GALNT7: variants seen among roughly 807,000 people sequenced by gnomAD.
The protein encoded by GALNT7 is polypeptide N-acetylgalactosaminyltransferase 7, also known as N-acetylgalactosaminyltransferase 7.
Under a neutral mutation model 82.1 loss-of-function variants are expected in GALNT7, and 60 were observed. That is an observed-to-expected ratio of 0.73 (90% CI 0.59 to 0.91). GALNT7 has a LOEUF of 0.91. Among genes scored for constraint, GALNT7 ranks in the 40% least tolerant of loss-of-function variants. The pLI, the probability that GALNT7 is intolerant of heterozygous loss-of-function variation, is 0.00. For synonymous variants in GALNT7, 243 were observed against 275.1 expected, an observed-to-expected ratio of 0.88 and a Z score of 1.15; for missense variants, 660 against 804.2, an observed-to-expected ratio of 0.82 and a Z score of 2.17.
At chr4:173,173,907 C>G (rs1731955956) in intron 1 of GALNT7, among the ~76,000 whole-genome samples, 2 of 152,132 alleles carry the variant, frequency 1.3e-5, no homozygotes, top group Admixed American at 1.3e-4. Flanking sequence ...AACTGATTAC[C>G]CTGGCAGTCA....
chr4:173,295,974 T>C (rs1736705200), intron 5 of GALNT7, 131 bp downstream of exon 5: 4 of 660,744 alleles, frequency 6.1e-6, no homozygotes, highest in Middle Eastern at 2.9e-4. Context: ...ATCCCTCATC[T>C]ATTTGTTTCC....
intron 2 of GALNT7, among the ~76,000 whole-genome samples, chr4:173,259,288 G>A (rs951619996): frequency 1.3e-5 from 2 of 152,218 alleles, no homozygotes; most frequent in Admixed American, 1.3e-4. Flanking sequence ...GTCCTAAGAT[G>A]AAGATAGTTG....
intron 2 of GALNT7, among the ~76,000 whole-genome samples, chr4:173,277,931 A>G (rs139190355): frequency 6.6e-6 from 1 of 152,210 alleles, no homozygotes; most frequent in Non-Finnish European, 1.5e-5. Context: ...AGCACCAGCT[A>G]TTGAGGAACT....
intron 10 of GALNT7, 103 bp from the exon 11 acceptor site, chr4:173,318,328 T>G: frequency 1.2e-6 from 1 of 807,516 alleles, no homozygotes; most frequent in Non-Finnish European, 2.0e-6. Flanking sequence ...GAAAAATAAG[T>G]TAGTCATTCA....
At position 173,302,411 on chromosome 4, in the gene GALNT7, A is replaced by G. The variant is rs1441812806; in HGVS notation, c.1266+247A>G. Among the ~76,000 whole-genome samples, 1 of 152,176 alleles carries G rather than the reference A, an allele frequency of 6.6e-6. No individual in the cohort carries two copies. Among genetic ancestry groups the G allele is most frequent in the Non-Finnish European group, 1.5e-5 (1 of 68,030 alleles). The stretch of plus-strand genomic sequence containing the variant: ...TGTGGCTAGCAAGCTTTAGAAATGA[A>G]AATATCTACCCCCACACCCCAACTT... On this transcript the variant is annotated intron_variant, in intron 7 of 11. Coordinates refer to ENST00000265000, the MANE Select transcript of GALNT7 (RefSeq NM_017423.3). The surrounding 1 kb of genome is among the most constrained non-coding windows in gnomAD (Gnocchi z 4.2).
rs70944437 is a variant in GALNT7 at position 173,178,007 on chromosome 4, CTGTGTGTGTGTGTG to C, written c.126+9079_126+9092del. ...TTTCCACCTCTCCCTATCCGCAAGT[CTGTGTGTGTGTGTG>C]TGTGTGTGTGTGTGTGTGTGTGTGT... On this transcript the variant is annotated intron_variant, in intron 1 of 11. Transcript: ENST00000265000. 2.4e-3 allele frequency among the ~76,000 whole-genome samples: 333 copies of C among 137,776 alleles called. No individual in the cohort carries two copies. The Middle Eastern group carries it at 0.029, about 12-fold the overall frequency. The allele number at this position is 137,776 out of a possible 152,430, so 90.4% of individuals were successfully genotyped here.
chr4:173,322,701 C>T lies in GALNT7; in HGVS notation c.*984C>T, dbSNP rs1737867115. On this transcript the variant is annotated 3_prime_UTR_variant, in exon 12 of 12. Coordinates refer to ENST00000265000, the MANE Select transcript of GALNT7 (RefSeq NM_017423.3). ...GTTATAAACACATCAAAGGTTCATTCTGACTGAGGTAAGACTTTCCAAGCC... is the reference window on the plus strand; with the variant it reads ...GTTATAAACACATCAAAGGTTCATTTTGACTGAGGTAAGACTTTCCAAGCC... 1 of 152,166 alleles carries T rather than the reference C, an allele frequency of 6.6e-6. No homozygotes were observed. The highest frequency in any genetic ancestry group is 2.4e-5 in the African/African-American group (1 of 41,446). 9.4% of individuals were successfully genotyped at this position (152,166 alleles called of 1,614,324 possible). A position where few individuals can be genotyped will look rare whatever the true frequency, so the allele number is the denominator to read the frequency against.
In GALNT7 at chr4:173,251,149, T is replaced by C. The variant is rs146026554; in HGVS notation, c.587+2709T>C. Among the ~76,000 whole-genome samples the C allele has an allele frequency of 1.5e-3, 227 of 152,348 alleles. 2 individuals are homozygous for C. Among genetic ancestry groups the C allele is most frequent in the East Asian group, 5.6e-3 (29 of 5,182 alleles). ...GTAGGAACTCAGTAGTAGTACCCAG[T>C]TGGTAAATATCTGTCGAGAATGAAT... On this transcript the variant is annotated intron_variant, in intron 2 of 11. Coordinates refer to ENST00000265000, the MANE Select transcript of GALNT7 (RefSeq NM_017423.3).
intron 7 of GALNT7, among the ~76,000 whole-genome samples, chr4:173,303,420 A>G (rs1737031409): frequency 6.6e-6 from 1 of 152,230 alleles, no homozygotes; most frequent in Non-Finnish European, 1.5e-5. Flanking sequence ...ACATCTAAGA[A>G]GATAAAATGG....
intron 4 of GALNT7, 38 bp downstream of exon 4, chr4:173,295,564 G>C (rs772221239): frequency 6.3e-7 from 1 of 1,596,172 alleles, no homozygotes; most frequent in Middle Eastern, 1.7e-4. Flanking sequence ...CAACATTTTG[G>C]GTTTGGTAAC....
chr4:173,282,287 C>T (rs1053704360), intron 2 of GALNT7: 3 of 152,170 alleles, frequency 2.0e-5, no homozygotes, highest in African/African-American at 7.2e-5. Flanking sequence ...TGGAGCCCAC[C>T]ATGTATATGC....
chr4:173,174,538 C>A (rs1342051950), intron 1 of GALNT7, among the ~76,000 whole-genome samples: 1 of 152,232 alleles, frequency 6.6e-6, no homozygotes, highest in Non-Finnish European at 1.5e-5. Flanking sequence ...GTATTTATCA[C>A]TTCTGTGGAA....
intron 2 of GALNT7, among the ~76,000 whole-genome samples, chr4:173,270,375 G>A (rs1735678503): frequency 6.6e-6 from 1 of 152,102 alleles, no homozygotes; most frequent in Admixed American, 6.5e-5. Context: ...AAAAAAAAAT[G>A]CTTGTTTTTG....
chr4:173,212,491 T>C (rs1733311983), intron 1 of GALNT7, among the ~76,000 whole-genome samples: 1 of 152,188 alleles, frequency 6.6e-6, no homozygotes, highest in Admixed American at 6.5e-5. Context: ...GGCTTCAGTT[T>C]AGATTATCTA....
intron 2 of GALNT7, among the ~76,000 whole-genome samples, chr4:173,262,492 G>A (rs1169172196): frequency 2.0e-5 from 3 of 152,108 alleles, no homozygotes; most frequent in Admixed American, 6.6e-5. Context: ...CATTGGAAAG[G>A]CCTTAACTCC....
chr4:173,175,864 G>A (rs1024900655), intron 1 of GALNT7, among the ~76,000 whole-genome samples: 44 of 152,088 alleles, frequency 2.9e-4, no homozygotes, highest in African/African-American at 1.0e-3. Context: ...CTTGAGGTCC[G>A]GAGTTTGAGA....
At chr4:173,191,081 A>G (rs1732613469) in intron 1 of GALNT7, among the ~76,000 whole-genome samples, 1 of 152,158 alleles carries the variant, frequency 6.6e-6, no homozygotes, top group Non-Finnish European at 1.5e-5. Context: ...AAAAATGGAA[A>G]TATTAAGGAA....
chr4:173,215,879 G>A (rs1733430461), intron 1 of GALNT7, among the ~76,000 whole-genome samples: 2 of 152,166 alleles, frequency 1.3e-5, no homozygotes, highest in Admixed American at 1.3e-4. Context: ...GGAGGCCAAG[G>A]CGGCAGATTG....
At chr4:173,263,231 G>T (rs1378508793) in intron 2 of GALNT7, among the ~76,000 whole-genome samples, 1 of 152,174 alleles carries the variant, frequency 6.6e-6, no homozygotes, top group African/African-American at 2.4e-5. Flanking sequence ...AATGAAGAAG[G>T]TGAATAATAA....
Sources: allele counts gnomAD v4.1 joint callset (sites outside exome capture counted in the v4.1 genomes callset), GRCh38; gene constraint gnomAD v4.1.1; non-coding constraint Gnocchi (gnomAD v3.1); transcripts MANE v1.5; gene names NCBI Gene and HGNC (gene_info 2026-07-23, HGNC 2026-07-21).